The following PAK1 variants were observed in gnomAD, a reference collection of about 807,000 sequenced individuals.
PAK1 encodes the protein serine/threonine-protein kinase PAK 1.
A neutral mutation model predicts 67.4 loss-of-function variants in PAK1; 29 were observed. That is an observed-to-expected ratio of 0.43 (90% CI 0.32 to 0.59). PAK1 has a LOEUF of 0.59. Ranked by LOEUF, PAK1 falls within the 20% of genes least tolerant of loss-of-function variation. The pLI is 0.07. For missense variants in PAK1, 337 were observed against 670.7 expected (o/e 0.50, Z 5.50); for synonymous variants, 223 against 237.4 (o/e 0.94, Z 0.56).
At chr11:77,376,226 G>A (rs989604666) in intron 4 of PAK1, among the ~76,000 whole-genome samples, 1 of 152,126 alleles carries the variant, frequency 6.6e-6, no homozygotes, top group Non-Finnish European at 1.5e-5. Context: ...CTTTAAAGGT[G>A]ATGAACTTCT....
chr11:77,355,948 C>A, intron 6 of PAK1, 106 bp from the exon 7 acceptor site: 1 of 681,628 alleles, frequency 1.5e-6, no homozygotes, highest in Non-Finnish European at 2.6e-6. Flanking sequence ...CCAATAAACT[C>A]ATCCTTTCTC....
chr11:77,366,975 T>C (rs551820202), intron 5 of PAK1, among the ~76,000 whole-genome samples: 64 of 152,300 alleles, frequency 4.2e-4, no homozygotes, highest in Admixed American at 1.7e-3. Flanking sequence ...ATAAATAAAA[T>C]GTAGTGTATC....
At chr11:77,480,865 C>T in the PAK1 span, among the ~76,000 whole-genome samples, 1 of 152,164 alleles carries the variant, frequency 6.6e-6, no homozygotes, top group African/African-American at 2.4e-5. Flanking sequence ...TCCTCTTGCC[C>T]TCAGAATGCA....
At chr11:77,498,030 A>G in the PAK1 span, among the ~76,000 whole-genome samples, 3 of 152,098 alleles carry the variant, frequency 2.0e-5, no homozygotes, top group African/African-American at 7.2e-5. Flanking sequence ...ATTCTATTTT[A>G]TATTATTTCA....
chr11:77,455,937 T>G (rs1351626045), intron 1 of PAK1: 1 of 152,178 alleles, frequency 6.6e-6, no homozygotes, highest in Non-Finnish European at 1.5e-5. Flanking sequence ...GGGTATGTCA[T>G]CTGGTAGAAA....
chr11:77,323,977 G>A (rs1939029389), intron 14 of PAK1, among the ~76,000 whole-genome samples: 1 of 152,096 alleles, frequency 6.6e-6, no homozygotes, highest in Non-Finnish European at 1.5e-5. Context: ...ATTGATCTAG[G>A]AATTTATTGT....
chr11:77,357,448 AC>A (rs1407383291), intron 6 of PAK1, among the ~76,000 whole-genome samples: 1 of 152,186 alleles, frequency 6.6e-6, no homozygotes, highest in Non-Finnish European at 1.5e-5. Context: ...TATCCCAGGC[AC>A]CTAAACCTGT....
chr11:77,418,760 T>C (rs1955104035), intron 1 of PAK1, among the ~76,000 whole-genome samples: 1 of 152,242 alleles, frequency 6.6e-6, no homozygotes, highest in South Asian at 2.1e-4. Context: ...CAAACATCTG[T>C]CATGTGCTCT....
At chr11:77,371,244 TTA>T (rs1948388330) in intron 5 of PAK1, among the ~76,000 whole-genome samples, 1 of 152,220 alleles carries the variant, frequency 6.6e-6, no homozygotes, top group Non-Finnish European at 1.5e-5. Context: ...GACTTTAAGA[TTA>T]TGTTTGTTAA....
chr11:77,332,500 T>C (rs1941875051), intron 14 of PAK1, among the ~76,000 whole-genome samples: 1 of 150,320 alleles, frequency 6.7e-6, no homozygotes, highest in Admixed American at 6.6e-5. Context: ...AGAAAATAGA[T>C]TGTAAACTGA....
At chr11:77,383,908 A>G (rs1950147314) in intron 2 of PAK1, among the ~76,000 whole-genome samples, 1 of 152,202 alleles carries the variant, frequency 6.6e-6, no homozygotes, top group Non-Finnish European at 1.5e-5. Context: ...TAGTGGAAAG[A>G]ATCTCAGAGG....
intron 8 of PAK1, chr11:77,349,505 GTACTTCTACCTAGTACC>G (rs1284599816): frequency 6.7e-5 from 37 of 552,150 alleles, no homozygotes; most frequent in Middle Eastern, 4.9e-4. Flanking sequence ...TTCCAACCTG[GTACTTCTACCTAGTACC>G]TACTAGGTAG....
chr11:77,439,384 C>T (rs986789377), intron 1 of PAK1, among the ~76,000 whole-genome samples: 2 of 151,924 alleles, frequency 1.3e-5, no homozygotes, highest in Admixed American at 6.6e-5. Flanking sequence ...AAAATGAAAG[C>T]CAAAATATCT....
chr11:77,493,573 G>A, the PAK1 span, among the ~76,000 whole-genome samples: 26,173 of 148,342 alleles, frequency 0.18, 2,837 homozygotes, highest in South Asian at 0.34. Flanking sequence ...GATTACAGAC[G>A]TCAGCCACCA....
intron 2 of PAK1, among the ~76,000 whole-genome samples, chr11:77,388,421 T>C (rs142040960): frequency 0.032 from 4,890 of 152,332 alleles, 132 homozygotes; most frequent in African/African-American, 0.074. Flanking sequence ...TGGCGCAATC[T>C]TGGCTCACTG....
intron 1 of PAK1, among the ~76,000 whole-genome samples, chr11:77,408,532 T>TACACATACACAC (rs1555167878): frequency 2.6e-4 from 36 of 137,948 alleles, no homozygotes; most frequent in South Asian, 1.9e-3. Context: ...TATGGAGAAA[T>TACACATACACAC]ACACACACAC....
intron 1 of PAK1, among the ~76,000 whole-genome samples, chr11:77,424,722 C>T (rs138812377): frequency 1.2e-4 from 19 of 152,322 alleles, no homozygotes; most frequent in African/African-American, 3.4e-4. Flanking sequence ...AACTTCTAAT[C>T]TTCAGGTGTC....
At chr11:77,438,090 C>T (rs936282111) in intron 1 of PAK1, among the ~76,000 whole-genome samples, 1 of 152,118 alleles carries the variant, frequency 6.6e-6, no homozygotes, top group East Asian at 1.9e-4. Flanking sequence ...ACAGCACTGG[C>T]CTCTGTCCCC....
At chr11:77,504,749 A>G in the PAK1 span, among the ~76,000 whole-genome samples, 1 of 152,238 alleles carries the variant, frequency 6.6e-6, no homozygotes. Context: ...TAGGGACTTG[A>G]AATAGAAGAC....
Sources: allele counts gnomAD v4.1 joint callset (sites outside exome capture counted in the v4.1 genomes callset), GRCh38; gene constraint gnomAD v4.1.1; transcripts MANE v1.5; gene names NCBI Gene and HGNC (gene_info 2026-07-23, HGNC 2026-07-21).